The following DYNC2I1 variants were observed in gnomAD, a reference collection of about 807,000 sequenced individuals.
DYNC2I1 encodes the protein cytoplasmic dynein 2 intermediate chain 1.
In DYNC2I1, 89 loss-of-function variants were observed where a neutral mutation model predicts 133.4. That is an observed-to-expected ratio of 0.67 (90% confidence interval 0.56 to 0.80). The LOEUF (loss-of-function observed/expected upper bound fraction) is 0.80. Among genes scored for constraint, DYNC2I1 ranks in the 30% least tolerant of loss-of-function variants. The probability of loss-of-function intolerance (pLI) is 0.00; values close to 1 mark genes in which losing one functional copy is unlikely to be tolerated. For missense variants in DYNC2I1, 1,291 were observed against 1,314.5 expected, an observed-to-expected ratio of 0.98 and a Z score of 0.28; for synonymous variants, 504 against 484.3, an observed-to-expected ratio of 1.04 and a Z score of -0.54.
chr7:158,905,858 G>C, intron 10 of DYNC2I1, 131 bp from the exon 11 acceptor site: 2 of 673,590 alleles, frequency 3.0e-6, no homozygotes, highest in Non-Finnish European at 4.9e-6. Context: ...TATGAAAGAT[G>C]TTTGTCATTA....
intron 24 of DYNC2I1, among the ~76,000 whole-genome samples, chr7:158,944,310 T>C (rs1292825998): frequency 6.6e-6 from 1 of 151,928 alleles, no homozygotes; most frequent in Non-Finnish European, 1.5e-5. Context: ...TTAACAAATA[T>C]GAAGGATGTG....
intron 23 of DYNC2I1, among the ~76,000 whole-genome samples, chr7:158,935,801 C>T (rs1412263341): frequency 6.6e-6 from 1 of 152,222 alleles, no homozygotes; most frequent in African/African-American, 2.4e-5. Flanking sequence ...TGCTGTGGCT[C>T]ACGCCTGTAA....
chr7:158,913,203 T>C (rs1464994740), intron 13 of DYNC2I1, 107 bp downstream of exon 13: 2 of 863,330 alleles, frequency 2.3e-6, no homozygotes, highest in African/African-American at 3.5e-5. Context: ...CTTTCTCTTC[T>C]GTATGGTTGT....
the DYNC2I1 span, among the ~76,000 whole-genome samples, chr7:158,839,993 T>A: frequency 3.3e-5 from 5 of 150,466 alleles, no homozygotes; most frequent in Admixed American, 6.7e-5. Context: ...AAAAAAAAAA[T>A]TTAGTGGATA....
At chr7:158,931,280 C>G (rs769446510) in intron 21 of DYNC2I1, among the ~76,000 whole-genome samples, 5 of 152,052 alleles carry the variant, frequency 3.3e-5, no homozygotes, top group Non-Finnish European at 5.9e-5. Context: ...AGTATCTTTT[C>G]TTGTCATTTA....
At chr7:158,849,571 A>C in the DYNC2I1 span, among the ~76,000 whole-genome samples, 4 of 152,200 alleles carry the variant, frequency 2.6e-5, no homozygotes, top group Admixed American at 2.6e-4. Context: ...CCCACAGTGG[A>C]TAGCTCCTCT....
chr7:158,896,327 C>T (rs1262990030), intron 8 of DYNC2I1, among the ~76,000 whole-genome samples: 1 of 152,094 alleles, frequency 6.6e-6, no homozygotes, highest in East Asian at 1.9e-4. Context: ...AATGTTTTTT[C>T]TCCATTTACT....
the DYNC2I1 span, among the ~76,000 whole-genome samples, chr7:158,841,141 T>A: frequency 3.9e-5 from 5 of 127,260 alleles, no homozygotes; most frequent in Admixed American, 8.5e-5. Context: ...CCATGTACCA[T>A]AGATTGTAGG....
chr7:158,874,732 C>G (rs73527698), intron 3 of DYNC2I1, among the ~76,000 whole-genome samples: 2,786 of 152,270 alleles, frequency 0.018, 80 homozygotes, highest in African/African-American at 0.063. Flanking sequence ...GTTTTAAATA[C>G]TGTTTGTCTG....
chr7:158,932,200 T>C (rs376588576), intron 21 of DYNC2I1, among the ~76,000 whole-genome samples: 2 of 152,126 alleles, frequency 1.3e-5, no homozygotes, highest in East Asian at 3.9e-4. Flanking sequence ...CGAGGCCCCG[T>C]CCCTCAGGGT....
At chr7:158,915,788 TTG>T (rs1848140439) in intron 14 of DYNC2I1, among the ~76,000 whole-genome samples, 1 of 138,948 alleles carries the variant, frequency 7.2e-6, no homozygotes, top group Non-Finnish European at 1.6e-5. Context: ...TTAAGGATGA[TTG>T]TGAAACGTCG....
chr7:158,878,464 ACAGTGAGTGCCGGGTGCCATGTGGAGG>A (rs1843611095), intron 4 of DYNC2I1, among the ~76,000 whole-genome samples: 1 of 125,194 alleles, frequency 8.0e-6, no homozygotes, highest in Non-Finnish European at 1.6e-5. Context: ...AGGAGGGCCG[ACAGTGAGTGCCGGGTGCCATGTGGAGG>A]GGCCAGGAGG....
intron 23 of DYNC2I1, among the ~76,000 whole-genome samples, chr7:158,936,513 G>T (rs1850770140): frequency 6.6e-6 from 1 of 152,206 alleles, no homozygotes; most frequent in South Asian, 2.1e-4. Context: ...AATTGAGGTG[G>T]ACAACCAGTT....
In DYNC2I1 at chr7:158,869,852, T is replaced by A. The variant is rs1842723872; in HGVS notation, c.16-3T>A. 2.5e-6 allele frequency: 4 copies of A among 1,610,822 alleles called. No homozygotes were observed. The highest frequency in any genetic ancestry group is 1.7e-4 in the Middle Eastern group (1 of 6,052). ...CATTCTAACTTTATACTTTTCTATT[T>A]AGAGAAGAACCAAAGATGATACCTG... On this transcript the variant is annotated splice_polypyrimidine_tract_variant and splice_region_variant and intron_variant, in intron 1 of 24. Coordinates refer to ENST00000407559, the MANE Select transcript of DYNC2I1 (RefSeq NM_018051.5).
intron 24 of DYNC2I1, among the ~76,000 whole-genome samples, chr7:158,942,414 G>T (rs1330805609): frequency 6.6e-6 from 1 of 152,156 alleles, no homozygotes. Flanking sequence ...GTGCAATCAC[G>T]GGCCTGTTCC....
downstream of DYNC2I1, among the ~76,000 whole-genome samples, chr7:158,950,089 A>T (rs1054488858): frequency 2.7e-5 from 4 of 150,920 alleles, no homozygotes; most frequent in Non-Finnish European, 5.9e-5. Context: ...CGTTTTTAAA[A>T]TTTTATTTAT....
chr7:158,934,668 ACTC>A, intron 23 of DYNC2I1, 119 bp downstream of exon 23: 2 of 1,089,044 alleles, frequency 1.8e-6, no homozygotes. Context: ...GCAGCCTTGA[ACTC>A]CTGGGCTCAA....
chr7:158,865,200 C>T (rs1194549333), intron 1 of DYNC2I1, among the ~76,000 whole-genome samples: 1 of 152,168 alleles, frequency 6.6e-6, no homozygotes, highest in Non-Finnish European at 1.5e-5. Flanking sequence ...GGAGGTGATA[C>T]CACCTTGGAA....
chr7:158,847,053 G>A, the DYNC2I1 span, among the ~76,000 whole-genome samples: 9,151 of 152,266 alleles, frequency 0.06, 335 homozygotes, highest in South Asian at 0.095. Flanking sequence ...TTGACTTAAA[G>A]AAAAGTTAGT....
Sources: gnomAD v4.1 joint callset for allele counts (sites outside exome capture counted in the v4.1 genomes callset) on GRCh38, gnomAD v4.1.1 for gene constraint, MANE v1.5 for transcripts, NCBI Gene and HGNC (gene_info 2026-07-23, HGNC 2026-07-21) for gene names.